GRM8: variants seen among roughly 807,000 people sequenced by gnomAD.
GRM8 encodes the protein metabotropic glutamate receptor 8.
A neutral mutation model predicts 87.2 loss-of-function variants in GRM8; 47 were observed. The ratio of observed to expected loss-of-function variants is 0.54; its 90% CI spans 0.43 to 0.69. The LOEUF is 0.69. GRM8 is among the 30% of genes least tolerant of loss of function. The pLI, the probability that GRM8 is intolerant of heterozygous loss-of-function variation, is 0.00. For synonymous variants in GRM8, 396 were observed against 404.5 expected, an observed-to-expected ratio of 0.98 and a Z score of 0.25; for missense variants, 1,019 against 1,139.2, an observed-to-expected ratio of 0.89 and a Z score of 1.52.
intron 8 of GRM8, among the ~76,000 whole-genome samples, chr7:126,556,613 C>T (rs1240146129): frequency 2.0e-5 from 3 of 152,170 alleles, no homozygotes; most frequent in Non-Finnish European, 4.4e-5. Context: ...CACCACTGCA[C>T]TTCAGCCTGG....
At chr7:127,022,426 A>G (rs1375207801) in intron 3 of GRM8, among the ~76,000 whole-genome samples, 1 of 152,076 alleles carries the variant, frequency 6.6e-6, no homozygotes, top group Non-Finnish European at 1.5e-5. Flanking sequence ...TTTAAATTTA[A>G]TGACTATAAT....
At chr7:126,669,726 G>A (rs1167374478) in intron 7 of GRM8, among the ~76,000 whole-genome samples, 1 of 152,110 alleles carries the variant, frequency 6.6e-6, no homozygotes, top group South Asian at 2.1e-4. Context: ...CAATTGCTGG[G>A]GTTACCATTA....
At chr7:126,500,754 G>A (rs17680970) in intron 9 of GRM8, among the ~76,000 whole-genome samples, 4,877 of 152,048 alleles carry the variant, frequency 0.032, 98 homozygotes, top group Non-Finnish European at 0.052. Context: ...GCTTCTGTTA[G>A]TCATCTATAG....
chr7:127,202,044 C>T (rs1250077436), intron 2 of GRM8, among the ~76,000 whole-genome samples: 1 of 152,112 alleles, frequency 6.6e-6, no homozygotes, highest in Admixed American at 6.6e-5. Flanking sequence ...TGAAAGATTC[C>T]TTCTTGAATC....
intron 3 of GRM8, among the ~76,000 whole-genome samples, chr7:126,970,109 C>T (rs1810267830): frequency 6.6e-6 from 1 of 152,044 alleles, no homozygotes; most frequent in Non-Finnish European, 1.5e-5. Context: ...AGGGCATAAG[C>T]AGAGTAGATT....
chr7:127,081,456 C>G (rs1387944610), intron 3 of GRM8, among the ~76,000 whole-genome samples: 1 of 152,190 alleles, frequency 6.6e-6, no homozygotes. Flanking sequence ...CCTGTGTTCC[C>G]ACAGAACCTT....
At chr7:126,857,343 C>T (rs1797780261) in intron 6 of GRM8, among the ~76,000 whole-genome samples, 1 of 152,092 alleles carries the variant, frequency 6.6e-6, no homozygotes, top group South Asian at 2.1e-4. Context: ...ACTGAGTTAC[C>T]CAGGTAAAGA....
At chr7:126,843,624 G>A (rs1270993422) in intron 6 of GRM8, among the ~76,000 whole-genome samples, 7 of 152,218 alleles carry the variant, frequency 4.6e-5, no homozygotes, top group Non-Finnish European at 7.3e-5. Context: ...AAGAAGTGAG[G>A]AGGTGGATTA....
At chr7:126,515,654 G>T (rs1812065216) in intron 9 of GRM8, among the ~76,000 whole-genome samples, 1 of 151,998 alleles carries the variant, frequency 6.6e-6, no homozygotes, top group African/African-American at 2.4e-5. Context: ...TCATCTTTTA[G>T]AGGCTGTTTT....
At chr7:127,020,043 T>C (rs1275618840) in intron 3 of GRM8, among the ~76,000 whole-genome samples, 1 of 152,076 alleles carries the variant, frequency 6.6e-6, no homozygotes, top group Non-Finnish European at 1.5e-5. Flanking sequence ...CCTAATTAAG[T>C]GTAACACAAA....
At chr7:126,615,710 G>A (rs1362535872) in intron 7 of GRM8, among the ~76,000 whole-genome samples, 5 of 152,114 alleles carry the variant, frequency 3.3e-5, no homozygotes, top group African/African-American at 1.2e-4. Flanking sequence ...ACAAAAAAAG[G>A]CGGGGGTTGC....
intron 7 of GRM8, among the ~76,000 whole-genome samples, chr7:126,616,089 A>C (rs1799459794): frequency 6.6e-6 from 1 of 152,214 alleles, no homozygotes. Context: ...TCAGCACCAC[A>C]TCACACTTAT....
intron 7 of GRM8, among the ~76,000 whole-genome samples, chr7:126,727,805 C>T (rs1234017079): frequency 2.0e-5 from 3 of 152,040 alleles, no homozygotes. Context: ...ATATCTATCT[C>T]CCACAACCTT....
At chr7:126,795,819 G>A (rs1423596056) in intron 6 of GRM8, among the ~76,000 whole-genome samples, 3 of 151,680 alleles carry the variant, frequency 2.0e-5, no homozygotes, top group Non-Finnish European at 4.4e-5. Context: ...GTATGTTGCT[G>A]CAGCCAGTGA....
chr7:127,131,160 TC>T (rs1827665205), intron 2 of GRM8, among the ~76,000 whole-genome samples: 2 of 152,202 alleles, frequency 1.3e-5, no homozygotes, highest in South Asian at 4.1e-4. Context: ...ACAGGCTCCC[TC>T]CCAACCTTCA....
At chr7:127,067,025 G>C (rs938156873) in intron 3 of GRM8, among the ~76,000 whole-genome samples, 1 of 152,148 alleles carries the variant, frequency 6.6e-6, no homozygotes, top group Non-Finnish European at 1.5e-5. Flanking sequence ...ATTCTCCCCC[G>C]ACAGTCTGTG....
intron 3 of GRM8, among the ~76,000 whole-genome samples, chr7:126,930,880 T>C (rs1419468): frequency 0.34 from 50,938 of 151,998 alleles, 8,519 homozygotes; most frequent in Middle Eastern, 0.36. Flanking sequence ...AACTCTCTCT[T>C]TGTCTGCTTT....
intron 2 of GRM8, chr7:127,111,324 T>A (rs540683194): frequency 6.6e-6 from 1 of 152,342 alleles, no homozygotes; most frequent in Non-Finnish European, 1.5e-5. Context: ...CAAAAGAAAT[T>A]CATTTACATA....
At chr7:127,212,417 T>A (rs1304407886) in intron 2 of GRM8, among the ~76,000 whole-genome samples, 1 of 123,578 alleles carries the variant, frequency 8.1e-6, no homozygotes, top group Non-Finnish European at 1.8e-5. Context: ...GTTATTTTTT[T>A]TTTTTTTTTT....
Sources: allele counts gnomAD v4.1 joint callset (sites outside exome capture counted in the v4.1 genomes callset), GRCh38; gene constraint gnomAD v4.1.1; transcripts MANE v1.5; gene names NCBI Gene and HGNC (gene_info 2026-07-23, HGNC 2026-07-21).